FBXW7: variants seen among roughly 807,000 people sequenced by gnomAD.
The protein encoded by FBXW7 is F-box and WD repeat domain containing 7.
In FBXW7, 11 loss-of-function variants were observed where a neutral mutation model predicts 86.3. The observed-to-expected ratio is 0.13, with a 90% CI of 0.08 to 0.21. The LOEUF is 0.21. Ranked by LOEUF, FBXW7 falls within the 10% of genes least tolerant of loss-of-function variation. The pLI is 1.00. For synonymous variants in FBXW7, 313 were observed against 297.9 expected (o/e 1.05, Z -0.52); for missense variants, 488 against 847.4 (o/e 0.58, Z 5.27).
intron 2 of FBXW7, among the ~76,000 whole-genome samples, chr4:152,456,272 T>G (rs1742402991): frequency 6.7e-6 from 1 of 149,716 alleles, no homozygotes; most frequent in African/African-American, 2.5e-5. Flanking sequence ...CCTGCACTTC[T>G]GGAGGCTGAA....
chr4:152,520,386 T>C (rs1179050695), intron 2 of FBXW7, among the ~76,000 whole-genome samples: 2 of 150,386 alleles, frequency 1.3e-5, no homozygotes, highest in Non-Finnish European at 3.0e-5. Flanking sequence ...TGAGCCGAGA[T>C]TGCGCCACTG....
chr4:152,511,258 G>T (rs1005673766), intron 2 of FBXW7, among the ~76,000 whole-genome samples: 1 of 151,858 alleles, frequency 6.6e-6, no homozygotes, highest in East Asian at 1.9e-4. Context: ...TTAAAATCAG[G>T]AACACCTGGG....
intron 6 of FBXW7, among the ~76,000 whole-genome samples, chr4:152,340,429 A>G (rs1343327428): frequency 6.6e-6 from 1 of 151,878 alleles, no homozygotes; most frequent in African/African-American, 2.4e-5. Context: ...TATAAAAACA[A>G]TTAGCTGGGC....
Position 152,462,231 on chromosome 4 carries a change from C to T in FBXW7, c.-119-49702G>A, listed in dbSNP as rs1273497123. 2.0e-5 allele frequency among the ~76,000 whole-genome samples: 3 copies of T among 152,282 alleles called. No homozygotes were observed. The East Asian group carries it at 5.8e-4, about 29-fold the overall frequency. ...TTATCTTGCTTTCAGTGTTTGTTCC[C>T]TAAATTTTAACTCTTCTGTCAACAA... On this transcript the variant is annotated intron_variant, in intron 2 of 13. Coordinates refer to ENST00000281708, the MANE Select transcript of FBXW7 (RefSeq NM_001349798.2).
intron 7 of FBXW7, among the ~76,000 whole-genome samples, chr4:152,336,017 T>G (rs1042515872): frequency 3.3e-5 from 5 of 152,190 alleles, no homozygotes; most frequent in African/African-American, 4.8e-5. Flanking sequence ...ATAAGTCCAT[T>G]TCCTGACAAG....
chr4:152,528,223 C>A (rs564155164), intron 2 of FBXW7, among the ~76,000 whole-genome samples: 1 of 152,086 alleles, frequency 6.6e-6, no homozygotes. Flanking sequence ...TTTCTTACAG[C>A]CAGATTTCCA....
chr4:152,453,266 A>G (rs1742078800), intron 2 of FBXW7, among the ~76,000 whole-genome samples: 1 of 152,192 alleles, frequency 6.6e-6, no homozygotes, highest in Non-Finnish European at 1.5e-5. Context: ...TCAAACAGGA[A>G]AGATGATTTC....
intron 2 of FBXW7, among the ~76,000 whole-genome samples, chr4:152,503,646 TAAA>T (rs59515223): frequency 7.0e-6 from 1 of 142,330 alleles, no homozygotes. Context: ...TATGTAGCTG[TAAA>T]AAAAAAAAAA....
chr4:152,364,090 A>G (rs992279109), intron 4 of FBXW7, among the ~76,000 whole-genome samples: 6 of 152,172 alleles, frequency 3.9e-5, no homozygotes, highest in African/African-American at 1.2e-4. Context: ...GATACACTTT[A>G]TTTCTGGGAA....
intron 2 of FBXW7, among the ~76,000 whole-genome samples, chr4:152,510,320 C>A (rs1747842939): frequency 6.6e-6 from 1 of 152,164 alleles, no homozygotes; most frequent in Admixed American, 6.5e-5. Context: ...AGAACAACTG[C>A]TGATTCAAGA....
At position 152,410,133 on chromosome 4, in the gene FBXW7, G is replaced by A. The variant is rs563721757; in HGVS notation, c.501+1170C>T. Among the ~76,000 whole-genome samples the A allele has an allele frequency of 1.1e-4, 17 of 152,078 alleles. 1 individual carries two copies. Among genetic ancestry groups the A allele is most frequent in the Admixed American group, 4.6e-4 (7 of 15,230 alleles). On this transcript the variant is annotated intron_variant, in intron 4 of 13. Coordinates refer to ENST00000281708, the MANE Select transcript of FBXW7 (RefSeq NM_001349798.2). ...ATCAGCAATAACTCTGCATTGTTCC[G>A]CAAGGCTTAGTTTTGATTGAACCTC...
chr4:152,348,570 A>G (rs749156160), intron 5 of FBXW7: 22 of 197,712 alleles, frequency 1.1e-4, no homozygotes, highest in Non-Finnish European at 1.6e-4. Context: ...GTCAATATAA[A>G]AAGTGAGCAA....
intron 2 of FBXW7, among the ~76,000 whole-genome samples, chr4:152,466,126 T>C (rs1743405659): frequency 6.6e-6 from 1 of 152,198 alleles, no homozygotes; most frequent in African/African-American, 2.4e-5. Flanking sequence ...ACAAGTGACA[T>C]TCCACTGTTA....
rs1728658963 is a variant in FBXW7, at chr4:152,322,794, CTTTTTCTTTTCTT to C, written c.*74_*86del. 2 of 1,551,298 alleles carry C rather than the reference CTTTTTCTTTTCTT, an allele frequency of 1.3e-6. No individual in the cohort carries two copies. The highest frequency in any genetic ancestry group is 1.7e-6 in the Non-Finnish European group (2 of 1,153,856). Reference sequence around the variant, plus strand: ...ACCACTGAGAACAAGGGATTTTTTTCTTTTTCTTTTCTTTTTTTCTTTTTGCAGGGGGAAGGGC... The same window carrying C: ...ACCACTGAGAACAAGGGATTTTTTTCTTTTTCTTTTTGCAGGGGGAAGGGC... On this transcript the variant is annotated 3_prime_UTR_variant, in exon 14 of 14. Transcript: ENST00000281708.
chr4:152,371,370 C>T (rs979466589), intron 4 of FBXW7, among the ~76,000 whole-genome samples: 3 of 151,682 alleles, frequency 2.0e-5, no homozygotes, highest in African/African-American at 4.8e-5. Context: ...ATTAAAAACA[C>T]CAAAAGAAAG....
intron 2 of FBXW7, among the ~76,000 whole-genome samples, chr4:152,422,716 G>A (rs766552213): frequency 2.6e-5 from 4 of 152,060 alleles, no homozygotes; most frequent in African/African-American, 4.8e-5. Flanking sequence ...ATTTGCCAGC[G>A]AGCCCAGAAG....
intron 4 of FBXW7, among the ~76,000 whole-genome samples, chr4:152,384,030 C>T (rs999823092): frequency 5.9e-5 from 9 of 152,132 alleles, no homozygotes; most frequent in Admixed American, 5.2e-4. Flanking sequence ...AAACAACAAG[C>T]ATGGGCTAGG....
In FBXW7 at chr4:152,488,664, AT is replaced by A. The variant is rs553608986; in HGVS notation, c.-120+46276del. Reference sequence around the variant, plus strand: ...TCTAGGTAAGTTAATAACTTAAAAAATATTCGCTCCAACTGCAGAAATTTCT... The same window carrying A: ...TCTAGGTAAGTTAATAACTTAAAAAAATTCGCTCCAACTGCAGAAATTTCT... On this transcript the variant is annotated intron_variant, in intron 2 of 13. Coordinates refer to ENST00000281708, the MANE Select transcript of FBXW7 (RefSeq NM_001349798.2). 2.9e-3 allele frequency among the ~76,000 whole-genome samples: 439 copies of A among 152,194 alleles called. 6 individuals are homozygous for A. The highest frequency in any genetic ancestry group is 9.8e-3 in the African/African-American group (408 of 41,560).
intron 2 of FBXW7, among the ~76,000 whole-genome samples, chr4:152,482,177 C>A (rs1161198742): frequency 6.6e-6 from 1 of 152,154 alleles, no homozygotes; most frequent in East Asian, 1.9e-4. Context: ...CGAGTCAAGA[C>A]CCTCCAGCAG....
Sources: allele counts gnomAD v4.1 joint callset (sites outside exome capture counted in the v4.1 genomes callset), GRCh38; gene constraint gnomAD v4.1.1; transcripts MANE v1.5; gene names NCBI Gene and HGNC (gene_info 2026-07-23, HGNC 2026-07-21).